Variants in STXBP5 observed in about 807,000 individuals in gnomAD.
STXBP5 encodes the protein syntaxin binding protein 5, also known as syntaxin-binding protein 5.
A neutral mutation model predicts 152.4 loss-of-function variants in STXBP5; 50 were observed. The observed-to-expected ratio is 0.33, with a 90% CI of 0.26 to 0.42. STXBP5 has a LOEUF of 0.42. Among genes scored for constraint, STXBP5 ranks in the 10% least tolerant of loss-of-function variants. The pLI is 1.00. For missense variants in STXBP5, 1,167 were observed against 1,388.6 expected (o/e 0.84, Z 2.54); for synonymous variants, 492 against 494.7 (o/e 0.99, Z 0.07).
At chr6:147,357,197 A>G (rs575123102) in intron 22 of STXBP5, among the ~76,000 whole-genome samples, 214 of 152,200 alleles carry the variant, frequency 1.4e-3, no homozygotes, top group African/African-American at 4.6e-3. Context: ...GAGAGAAACT[A>G]TATAGGTTGT....
At chr6:147,234,020 A>G (rs1778148699) in intron 2 of STXBP5, among the ~76,000 whole-genome samples, 1 of 151,526 alleles carries the variant, frequency 6.6e-6, no homozygotes, top group Non-Finnish European at 1.5e-5. Context: ...TTGAAAATGA[A>G]TACCATCTAG....
At chr6:147,362,942 G>A (rs1397630615) in intron 23 of STXBP5, among the ~76,000 whole-genome samples, 1 of 152,196 alleles carries the variant, frequency 6.6e-6, no homozygotes, top group East Asian at 1.9e-4. Context: ...AGCCACATGT[G>A]GCCCCACACT....
chr6:147,382,865 C>T lies in STXBP5; in HGVS notation c.3281C>T (p.Ala1094Val). The T allele has an allele frequency of 6.2e-7, 1 of 1,613,486 alleles. No individual in the cohort carries two copies. Among genetic ancestry groups the T allele is most frequent in the Non-Finnish European group, 8.5e-7 (1 of 1,179,686 alleles). Residue 1094 changes from alanine to valine, a missense_variant, in exon 27 of 28, where the codon GCA becomes GTA. Ala to Val is a moderately conservative substitution (Grantham distance 64, BLOSUM62 0). This residue lies in a region of STXBP5 where 833 missense variants were observed against 986.3 expected (regional missense o/e 0.84). Transcript: ENST00000321680. ...PGGIEGVKGA[A>V]SGVVGELARA... The stretch of plus-strand genomic sequence containing the variant: ...GGCATTGAAGGCGTAAAAGGGGCAG[C>T]ATCTGGAGTTGTTGGTGAATTAGCA...
rs754548447 is a variant in STXBP5 at position 147,324,939 on chromosome 6, C to T, written c.1803-20C>T. The T allele has an allele frequency of 3.4e-6, 5 of 1,486,782 alleles. No individual in the cohort carries two copies. In the East Asian group the frequency reaches 9.7e-5, roughly 29 times the overall value. 92.1% of individuals were successfully genotyped at this position (1,486,782 alleles called of 1,614,324 possible). ...ATAGTTGAAAATGGTTTAAAGATAC[C>T]ATGTTTTCTTTTATTTTAGAGTTAA... On this transcript the variant is annotated intron_variant, in intron 16 of 27. Transcript: ENST00000321680.
chr6:147,363,255 C>T (rs1472753636), intron 23 of STXBP5, 80 bp from the exon 24 acceptor site: 3 of 1,376,436 alleles, frequency 2.2e-6, no homozygotes, highest in South Asian at 1.5e-5. Flanking sequence ...TAAGTATCTA[C>T]TGTATGTCAA....
chr6:147,209,240 G>A (rs934354986), intron 2 of STXBP5, among the ~76,000 whole-genome samples: 1 of 152,064 alleles, frequency 6.6e-6, no homozygotes, highest in African/African-American at 2.4e-5. Flanking sequence ...AAAATGAATT[G>A]TCAAATTATT....
intron 2 of STXBP5, among the ~76,000 whole-genome samples, chr6:147,218,076 C>T (rs1777264854): frequency 6.6e-6 from 1 of 152,138 alleles, no homozygotes; most frequent in African/African-American, 2.4e-5. Flanking sequence ...TTTAGGTTCA[C>T]AGCAAAAGTA....
chr6:147,291,309 A>G, intron 9 of STXBP5, 137 bp downstream of exon 9: 1 of 566,892 alleles, frequency 1.8e-6, no homozygotes, highest in Non-Finnish European at 2.8e-6. Flanking sequence ...TTTTTATTTA[A>G]CAAAAGAAGT....
intron 8 of STXBP5, among the ~76,000 whole-genome samples, chr6:147,279,811 C>G (rs550891032): frequency 6.6e-6 from 1 of 152,242 alleles, no homozygotes; most frequent in South Asian, 2.1e-4. Flanking sequence ...CCTAACCCTG[C>G]TGGAACCTAC....
At chr6:147,274,016 A>C (rs557868598) in intron 7 of STXBP5, among the ~76,000 whole-genome samples, 1 of 152,136 alleles carries the variant, frequency 6.6e-6, no homozygotes, top group Admixed American at 6.5e-5. Context: ...AACAGCTTTA[A>C]ATGAATTTTT....
At chr6:147,311,795 A>G (rs1254667929) in intron 11 of STXBP5, among the ~76,000 whole-genome samples, 4 of 152,154 alleles carry the variant, frequency 2.6e-5, no homozygotes, top group Admixed American at 1.3e-4. Flanking sequence ...TCCTGGGGCC[A>G]CACAAAATCA....
chr6:147,310,772 G>A (rs1782332020), intron 10 of STXBP5, among the ~76,000 whole-genome samples: 2 of 152,132 alleles, frequency 1.3e-5, no homozygotes, highest in African/African-American at 2.4e-5. Flanking sequence ...CTTTTAAGAC[G>A]TTAAACTGAC....
At chr6:147,380,381 C>T (rs528744406) in intron 26 of STXBP5, among the ~76,000 whole-genome samples, 43 of 147,390 alleles carry the variant, frequency 2.9e-4, no homozygotes, top group South Asian at 6.4e-4. Flanking sequence ...TTTACAAGGA[C>T]GCCAAGAAAA....
intron 25 of STXBP5, among the ~76,000 whole-genome samples, chr6:147,367,067 A>G (rs1216405186): frequency 6.6e-6 from 1 of 152,208 alleles, no homozygotes; most frequent in Non-Finnish European, 1.5e-5. Context: ...TATTAAAACA[A>G]TAACAACTGC....
rs114249469 is a variant in STXBP5 at position 147,233,780 on chromosome 6, C to A, written c.249-1470C>A. 8.6e-3 allele frequency among the ~76,000 whole-genome samples: 1,297 copies of A among 151,194 alleles called. 27 individuals carry two copies. Among genetic ancestry groups the A allele is most frequent in the African/African-American group, 0.03 (1,245 of 41,404 alleles). Reference sequence around the variant, plus strand: ...ATTGCCAATACTATTAATTTGAATTCTAGTTTCCTGCAGTTGTATTTGAGC... The same window carrying A: ...ATTGCCAATACTATTAATTTGAATTATAGTTTCCTGCAGTTGTATTTGAGC... On this transcript the variant is annotated intron_variant, in intron 2 of 27. Coordinates refer to ENST00000321680, the MANE Select transcript of STXBP5 (RefSeq NM_001127715.4).
chr6:147,322,953 T>C (rs1005035184), intron 16 of STXBP5, among the ~76,000 whole-genome samples: 19 of 152,288 alleles, frequency 1.2e-4, no homozygotes, highest in African/African-American at 4.3e-4. Flanking sequence ...TTCATGAGGT[T>C]TGGGAATAGG....
intron 2 of STXBP5, among the ~76,000 whole-genome samples, chr6:147,216,985 A>G (rs911227070): frequency 1.3e-5 from 2 of 152,220 alleles, no homozygotes; most frequent in East Asian, 1.9e-4. Flanking sequence ...TTTATTTTCA[A>G]ATAAGTGCAG....
intron 26 of STXBP5, among the ~76,000 whole-genome samples, chr6:147,377,959 A>T (rs998535232): frequency 2.0e-5 from 3 of 152,190 alleles, no homozygotes; most frequent in Non-Finnish European, 4.4e-5. Flanking sequence ...TAAAAATAAG[A>T]GAATGTAATC....
intron 7 of STXBP5, among the ~76,000 whole-genome samples, chr6:147,273,823 G>GCC (rs1780302968): frequency 1.3e-5 from 2 of 151,978 alleles, no homozygotes; most frequent in Admixed American, 6.6e-5. Flanking sequence ...GTGGTGGTGG[G>GCC]CACCTGTAGT....
Sources: gnomAD v4.1 joint callset for allele counts (sites outside exome capture counted in the v4.1 genomes callset) on GRCh38, gnomAD v4.1.1 for gene constraint, gnomAD v4.1.1 regional missense constraint, MANE v1.5 for transcripts, NCBI Gene and HGNC (gene_info 2026-07-23, HGNC 2026-07-21) for gene names.